MTUS2: variants seen among roughly 807,000 people sequenced by gnomAD.
MTUS2 encodes the protein microtubule associated scaffold protein 2.
MTUS2 carries 40 observed loss-of-function variants against 114.1 expected under a neutral mutation model. The observed-to-expected ratio is 0.35, with a 90% CI of 0.27 to 0.46. The LOEUF (loss-of-function observed/expected upper bound fraction) is 0.46. Ranked by LOEUF, MTUS2 falls within the 20% of genes least tolerant of loss-of-function variation. The pLI is 1.00. For synonymous variants in MTUS2, 688 were observed against 672.0 expected, an observed-to-expected ratio of 1.02 and a Z score of -0.37; for missense variants, 1,679 against 1,705.4, an observed-to-expected ratio of 0.98 and a Z score of 0.27.
intron 8 of MTUS2, among the ~76,000 whole-genome samples, chr13:29,410,127 CTTT>C (rs35822838): frequency 1.0e-4 from 15 of 146,568 alleles, no homozygotes; most frequent in Non-Finnish European, 7.6e-5. Context: ...TGCTGTTGTA[CTTT>C]TTTTTTTTTT....
intron 2 of MTUS2, among the ~76,000 whole-genome samples, chr13:28,941,665 A>G (rs1882245447): frequency 6.6e-6 from 1 of 152,196 alleles, no homozygotes; most frequent in South Asian, 2.1e-4. Context: ...ACAAAAGTGT[A>G]TAGTTAGAAA....
intron 2 of MTUS2, among the ~76,000 whole-genome samples, chr13:28,973,825 A>G (rs1294415895): frequency 1.3e-5 from 2 of 152,214 alleles, no homozygotes; most frequent in African/African-American, 2.4e-5. Flanking sequence ...GAAATAGCTA[A>G]TATTTTGATA....
intron 8 of MTUS2, among the ~76,000 whole-genome samples, chr13:29,407,346 T>G (rs1593409902): frequency 6.6e-6 from 1 of 152,170 alleles, no homozygotes; most frequent in Non-Finnish European, 1.5e-5. Context: ...GTGCAAAAGT[T>G]TCTCTCTAAA....
At chr13:28,878,168 A>G (rs1878059054) in intron 2 of MTUS2, among the ~76,000 whole-genome samples, 1 of 152,080 alleles carries the variant, frequency 6.6e-6, no homozygotes, top group African/African-American at 2.4e-5. Context: ...TAATGGCCCC[A>G]AATACTTTCA....
At chr13:29,101,642 C>T (rs1890423591) in intron 5 of MTUS2, among the ~76,000 whole-genome samples, 1 of 152,156 alleles carries the variant, frequency 6.6e-6, no homozygotes, top group Non-Finnish European at 1.5e-5. Context: ...ATGACCAAAC[C>T]CCATCTCAGT....
intron 5 of MTUS2, among the ~76,000 whole-genome samples, chr13:29,224,203 G>A (rs1896018116): frequency 6.6e-6 from 1 of 152,164 alleles, no homozygotes; most frequent in Admixed American, 6.5e-5. Flanking sequence ...GGCCAGAAAA[G>A]TGACACCCCA....
intron 5 of MTUS2, among the ~76,000 whole-genome samples, chr13:29,237,971 G>A (rs1192781795): frequency 6.6e-6 from 1 of 152,138 alleles, no homozygotes; most frequent in Non-Finnish European, 1.5e-5. Flanking sequence ...CTGTTGGTTG[G>A]GATATGAATT....
intron 8 of MTUS2, among the ~76,000 whole-genome samples, chr13:29,389,847 GTGTA>G (rs1268991859): frequency 0.82 from 27,079 of 33,124 alleles, 12,930 homozygotes; most frequent in East Asian, 0.99. Flanking sequence ...ACATACATAT[GTGTA>G]TATATACATA....
intron 5 of MTUS2, among the ~76,000 whole-genome samples, chr13:29,257,700 C>T (rs1004254474): frequency 2.0e-5 from 3 of 152,226 alleles, no homozygotes; most frequent in Non-Finnish European, 4.4e-5. Flanking sequence ...GTAACGTTCA[C>T]TGAATACCTA....
intron 4 of MTUS2, among the ~76,000 whole-genome samples, chr13:29,086,086 T>G (rs1353846956): frequency 6.6e-6 from 1 of 152,230 alleles, no homozygotes; most frequent in East Asian, 1.9e-4. Flanking sequence ...TGTCTTCTTT[T>G]GAGAAGTGTC....
intron 2 of MTUS2, among the ~76,000 whole-genome samples, chr13:28,840,376 T>C (rs2137984044): frequency 6.6e-6 from 1 of 152,314 alleles, no homozygotes; most frequent in Admixed American, 6.5e-5. Context: ...TTAAAACATT[T>C]GAGGGAAGCT....
intron 9 of MTUS2, among the ~76,000 whole-genome samples, chr13:29,472,098 C>T (rs1880360319): frequency 6.6e-6 from 1 of 152,172 alleles, no homozygotes; most frequent in South Asian, 2.1e-4. Flanking sequence ...GATCTCGGCT[C>T]ACTGTAACCT....
chr13:29,202,760 G>A (rs879095935), intron 5 of MTUS2, among the ~76,000 whole-genome samples: 3 of 152,050 alleles, frequency 2.0e-5, no homozygotes, highest in South Asian at 2.1e-4. Flanking sequence ...TAACAGTCAG[G>A]CCCCTCTACT....
intron 4 of MTUS2, among the ~76,000 whole-genome samples, chr13:29,057,224 G>A (rs1427793326): frequency 6.6e-6 from 1 of 152,012 alleles, no homozygotes; most frequent in Non-Finnish European, 1.5e-5. Flanking sequence ...TGATTGTGTG[G>A]TCGATTTTAG....
chr13:29,053,022 G>C (rs916895095), intron 4 of MTUS2, among the ~76,000 whole-genome samples: 3 of 152,078 alleles, frequency 2.0e-5, no homozygotes, highest in African/African-American at 7.2e-5. Flanking sequence ...TAAGTTTCCT[G>C]GCCTCCCCAG....
At chr13:29,068,976 G>A (rs922997286) in intron 4 of MTUS2, among the ~76,000 whole-genome samples, 5 of 152,128 alleles carry the variant, frequency 3.3e-5, no homozygotes, top group Non-Finnish European at 7.4e-5. Context: ...GAGTGGAGTA[G>A]GGTAGGGTAG....
intron 5 of MTUS2, among the ~76,000 whole-genome samples, chr13:29,128,658 T>G (rs1420265167): frequency 6.6e-6 from 1 of 152,178 alleles, no homozygotes; most frequent in Non-Finnish European, 1.5e-5. Context: ...AATGGTGGCA[T>G]TTGGGGTAAT....
intron 9 of MTUS2, among the ~76,000 whole-genome samples, chr13:29,446,867 G>A (rs969407573): frequency 3.4e-5 from 5 of 149,234 alleles, no homozygotes; most frequent in Non-Finnish European, 5.9e-5. Flanking sequence ...ATATCAGGGT[G>A]TGGTTTAGGA....
intron 8 of MTUS2, among the ~76,000 whole-genome samples, chr13:29,366,957 C>T (rs76160859): frequency 0.094 from 14,285 of 152,178 alleles, 706 homozygotes; most frequent in Middle Eastern, 0.19. Flanking sequence ...GTCTGCATCC[C>T]TCTGCCTCCT....
Sources: allele counts gnomAD v4.1 joint callset (sites outside exome capture counted in the v4.1 genomes callset), GRCh38; gene constraint gnomAD v4.1.1; transcripts MANE v1.5; gene names NCBI Gene and HGNC (gene_info 2026-07-23, HGNC 2026-07-21).